The following SLC5A8 variants were observed in gnomAD, a reference collection of about 807,000 sequenced individuals.
SLC5A8 encodes solute carrier family 5 member 8, also known as sodium-coupled monocarboxylate transporter 1.
A neutral mutation model predicts 71.9 loss-of-function variants in SLC5A8; 55 were observed. The ratio of observed to expected loss-of-function variants is 0.77; its 90% CI spans 0.62 to 0.96. The LOEUF is 0.96. SLC5A8 is among the 40% of genes least tolerant of loss of function. The probability of loss-of-function intolerance (pLI) is 0.00; values close to 1 mark genes in which losing one functional copy is unlikely to be tolerated. For missense variants in SLC5A8, 701 were observed against 745.3 expected (o/e 0.94, Z 0.69); for synonymous variants, 307 against 276.1 (o/e 1.11, Z -1.11).
At chr12:101,177,903 G>A (rs2051895902) in intron 10 of SLC5A8, among the ~76,000 whole-genome samples, 1 of 152,016 alleles carries the variant, frequency 6.6e-6, no homozygotes. Flanking sequence ...GAAATAAAAG[G>A]CATTCATACA....
Position 101,202,900 on chromosome 12 carries a change from T to A in SLC5A8, c.418-685A>T, listed in dbSNP as rs533218135. On this transcript the variant is annotated intron_variant, in intron 2 of 14. Coordinates refer to ENST00000536262, the MANE Select transcript of SLC5A8 (RefSeq NM_145913.5). ...CCATAAAAGCAAATTCCATGATTAT[T>A]CTATAAAAGCATATTATGAAAATAA... Among the ~76,000 whole-genome samples the A allele has an allele frequency of 3.9e-5, 6 of 152,320 alleles. No individual in the cohort carries two copies. In the South Asian group the frequency reaches 1.2e-3, roughly 32 times the overall value.
intron 3 of SLC5A8, among the ~76,000 whole-genome samples, chr12:101,197,857 C>T (rs1002104078): frequency 9.9e-5 from 15 of 152,002 alleles, no homozygotes; most frequent in Non-Finnish European, 2.1e-4. Flanking sequence ...CCTTATAGAA[C>T]ATTACATCCA....
At chr12:101,195,282 G>T (rs1869121655) in intron 3 of SLC5A8, 120 bp from the exon 4 acceptor site, 1 of 985,688 alleles carries the variant, frequency 1.0e-6, no homozygotes, top group Non-Finnish European at 1.5e-6. Context: ...ATACCCACTT[G>T]CCTAAAGCTA....
chr12:101,166,405 G>C (rs2051770324), intron 12 of SLC5A8, 89 bp downstream of exon 12: 1 of 1,080,294 alleles, frequency 9.3e-7, no homozygotes, highest in Non-Finnish European at 1.3e-6. Context: ...CAAAATCACA[G>C]TGTTGTAAGC....
Position 101,162,853 on chromosome 12 carries a change from C to T in SLC5A8, c.1527-776G>A, listed in dbSNP as rs943683151. 2.6e-5 allele frequency among the ~76,000 whole-genome samples: 4 copies of T among 152,220 alleles called. No homozygotes were observed. The East Asian group carries it at 7.7e-4, about 29-fold the overall frequency. On this transcript the variant is annotated intron_variant, in intron 12 of 14. Transcript: ENST00000536262. ...ATAAAGTAGATAAGATTCCTGCTAA[C>T]ATATAGTTTATACTCTAATGGAGAG...
intron 10 of SLC5A8, among the ~76,000 whole-genome samples, chr12:101,176,471 T>TA (rs1190592233): frequency 6.6e-6 from 1 of 151,882 alleles, no homozygotes; most frequent in Non-Finnish European, 1.5e-5. Flanking sequence ...CTCTACCTAA[T>TA]AAAAAAAGAA....
At chr12:101,178,080 T>C (rs1202075615) in intron 10 of SLC5A8, among the ~76,000 whole-genome samples, 1 of 152,142 alleles carries the variant, frequency 6.6e-6, no homozygotes, top group Non-Finnish European at 1.5e-5. Flanking sequence ...AAGATAAATA[T>C]AAACACATCA....
intron 12 of SLC5A8, among the ~76,000 whole-genome samples, chr12:101,164,495 C>T (rs1251291996): frequency 2.0e-5 from 3 of 152,200 alleles, no homozygotes; most frequent in Non-Finnish European, 4.4e-5. Flanking sequence ...CAAAGCATCA[C>T]ACATTCAACC....
At chr12:101,188,255 T>C (rs531385296) in intron 6 of SLC5A8, among the ~76,000 whole-genome samples, 5 of 152,244 alleles carry the variant, frequency 3.3e-5, no homozygotes, top group Admixed American at 6.5e-5. Context: ...AGCATGGTAC[T>C]TACACATAAT....
At chr12:101,192,096 C>T (rs551396809) in intron 5 of SLC5A8, among the ~76,000 whole-genome samples, 84 of 152,258 alleles carry the variant, frequency 5.5e-4, no homozygotes, top group Middle Eastern at 3.4e-3. Context: ...GTAAAAGCAA[C>T]CCAGGTTTGC....
intron 10 of SLC5A8, among the ~76,000 whole-genome samples, chr12:101,171,292 G>A (rs2051827464): frequency 6.6e-6 from 1 of 152,162 alleles, no homozygotes; most frequent in South Asian, 2.1e-4. Flanking sequence ...TCCCCGGCCA[G>A]GTTGCTTCAT....
At chr12:101,204,449 G>A (rs767774694) in intron 2 of SLC5A8, 51 bp downstream of exon 2, 2 of 1,483,816 alleles carry the variant, frequency 1.3e-6, no homozygotes, top group South Asian at 2.5e-5. Context: ...AGATGCCATG[G>A]TTAAAAACAT....
intron 8 of SLC5A8, among the ~76,000 whole-genome samples, chr12:101,183,302 C>T (rs1566315150): frequency 6.6e-6 from 1 of 152,084 alleles, no homozygotes; most frequent in Non-Finnish European, 1.5e-5. Context: ...GCCTTGACCT[C>T]CCAAAGTGCT....
Position 101,187,602 on chromosome 12 carries a change from T to C in SLC5A8, c.834-87A>G, listed in dbSNP as rs1374657100. The stretch of plus-strand genomic sequence containing the variant: ...ACCTGTTACATGATCAAAAGAGACC[T>C]TCATGATTAGACTCAATAAATGTAC... On this transcript the variant is annotated intron_variant, in intron 6 of 14. Coordinates refer to ENST00000536262, the MANE Select transcript of SLC5A8 (RefSeq NM_145913.5). 8 of 1,359,882 alleles carry C rather than the reference T, an allele frequency of 5.9e-6. No individual in the cohort carries two copies. The Admixed American group carries it at 2.0e-4, about 33-fold the overall frequency. The allele number at this position is 1,359,882 out of a possible 1,614,324, so 84.2% of individuals were successfully genotyped here.
At chr12:101,189,296 TG>T (rs1375183129) in intron 6 of SLC5A8, among the ~76,000 whole-genome samples, 1 of 152,196 alleles carries the variant, frequency 6.6e-6, no homozygotes, top group East Asian at 1.9e-4. Flanking sequence ...AAGTTCATTT[TG>T]GGGGGATCCC....
At chr12:101,198,537 C>CAA (rs1869296727) in intron 3 of SLC5A8, among the ~76,000 whole-genome samples, 1 of 151,660 alleles carries the variant, frequency 6.6e-6, no homozygotes, top group South Asian at 2.1e-4. Context: ...TAAGTTAGAC[C>CAA]AAATGGAAGC....
chr12:101,179,400 T>A (rs1018746389), intron 10 of SLC5A8, among the ~76,000 whole-genome samples: 2 of 152,218 alleles, frequency 1.3e-5, no homozygotes, highest in African/African-American at 4.8e-5. Flanking sequence ...AATTTAGATG[T>A]CCTTCATCAG....
At chr12:101,162,690 G>A (rs1265185869) in intron 12 of SLC5A8, among the ~76,000 whole-genome samples, 4 of 152,308 alleles carry the variant, frequency 2.6e-5, no homozygotes, top group African/African-American at 7.2e-5. Flanking sequence ...GGAGCTAAAT[G>A]TTGGTTACTT....
At chr12:101,197,522 G>A (rs1869237290) in intron 3 of SLC5A8, among the ~76,000 whole-genome samples, 1 of 152,080 alleles carries the variant, frequency 6.6e-6, no homozygotes, top group Admixed American at 6.5e-5. Context: ...GAGGAATGGT[G>A]AACATTAAAT....
Sources: gnomAD v4.1 joint callset for allele counts (sites outside exome capture counted in the v4.1 genomes callset) on GRCh38, gnomAD v4.1.1 for gene constraint, MANE v1.5 for transcripts, NCBI Gene and HGNC (gene_info 2026-07-23, HGNC 2026-07-21) for gene names.